PADI1: variants seen among roughly 807,000 people sequenced by gnomAD.
PADI1 encodes the protein peptidyl arginine deiminase 1.
In PADI1, 65 loss-of-function variants were observed where a neutral mutation model predicts 74.8. The observed-to-expected ratio is 0.87, with a 90% CI of 0.71 to 1.07. The LOEUF (loss-of-function observed/expected upper bound fraction) is 1.07. Ranked by LOEUF, PADI1 falls within the 50% of genes least tolerant of loss-of-function variation. The pLI is 0.00. For missense variants in PADI1, 943 were observed against 854.0 expected (o/e 1.10, Z -1.30); for synonymous variants, 371 against 336.2 (o/e 1.10, Z -1.13).
intron 8 of PADI1, 106 bp downstream of exon 8, chr1:17,229,157 G>A (rs1042507419): frequency 5.3e-6 from 4 of 751,842 alleles, no homozygotes; most frequent in African/African-American, 3.5e-5. Context: ...ATTCATTGCG[G>A]GCACCCATTC....
intron 9 of PADI1, 95 bp from the exon 10 acceptor site, chr1:17,230,477 G>A (rs539678250): frequency 3.6e-5 from 31 of 863,134 alleles, no homozygotes; most frequent in Admixed American, 1.7e-4. Context: ...GGGAAGACCC[G>A]CTGCCCTGCC....
intron 13 of PADI1, chr1:17,239,497 G>A: frequency 3.7e-6 from 2 of 538,432 alleles, no homozygotes; most frequent in South Asian, 4.8e-5. Context: ...GTCACTTCCT[G>A]AGGGGTTCCT....
intron 10 of PADI1, among the ~76,000 whole-genome samples, chr1:17,231,674 A>AT (rs1232902127): frequency 6.6e-6 from 1 of 151,234 alleles, no homozygotes; most frequent in African/African-American, 2.4e-5. Context: ...CATCTTTATC[A>AT]TTTTCATTTT....
At chr1:17,233,045 C>T (rs2072541523) in intron 11 of PADI1, 75 bp downstream of exon 11, 4 of 1,315,074 alleles carry the variant, frequency 3.0e-6, no homozygotes, top group Non-Finnish European at 4.1e-6. Context: ...GCCCCCATCA[C>T]AAACACAATT....
Position 17,228,779 on chromosome 1 carries a change from C to A in PADI1, c.807C>A (p.Val269=), listed in dbSNP as rs748890573. The A allele has an allele frequency of 6.8e-6, 11 of 1,613,934 alleles. No homozygotes were observed. The South Asian group carries it at 9.9e-5, about 14-fold the overall frequency. ...TCCTAGGGCTGGTTTCCCTCAGTGT[C>A]AGCCTGGTGGACCCGGGGGTGTGTA... is the stretch of plus-strand genomic sequence containing the variant. ...ADFLGLVSLS[V]SLVDPGTLPE... is the part of the protein sequence containing the mutation. The change falls in exon 7 of 16, where the codon GTC becomes GTA. Residue 269 remains valine, a synonymous_variant. Coordinates refer to ENST00000375471, the MANE Select transcript of PADI1 (RefSeq NM_013358.3).
chr1:17,235,761 A>G (rs1279942983), intron 11 of PADI1, among the ~76,000 whole-genome samples: 1 of 152,080 alleles, frequency 6.6e-6, no homozygotes, highest in Non-Finnish European at 1.5e-5. Context: ...CTCCTGCCCC[A>G]GTCTCTATAT....
intron 2 of PADI1, 162 bp from the exon 3 acceptor site, chr1:17,223,458 GA>G: frequency 1.6e-6 from 1 of 616,368 alleles, no homozygotes; most frequent in Non-Finnish European, 2.9e-6. Context: ...AGGTAGCTCT[GA>G]ATCCCAGCCG....
At chr1:17,220,959 T>C (rs1299409265) in intron 1 of PADI1, among the ~76,000 whole-genome samples, 1 of 152,178 alleles carries the variant, frequency 6.6e-6, no homozygotes, top group Non-Finnish European at 1.5e-5. Context: ...CAACCAGCTG[T>C]GGCTGGGAGC....
chr1:17,221,641 A>G (rs2072154111), intron 1 of PADI1, among the ~76,000 whole-genome samples: 1 of 152,024 alleles, frequency 6.6e-6, no homozygotes, highest in Non-Finnish European at 1.5e-5. Flanking sequence ...AGACTTGTGG[A>G]CATCTTGGGG....
intron 11 of PADI1, among the ~76,000 whole-genome samples, chr1:17,234,517 A>G (rs1271004138): frequency 1.3e-5 from 2 of 152,164 alleles, no homozygotes; most frequent in Non-Finnish European, 2.9e-5. Context: ...ACTACATGTC[A>G]CACCCATAGT....
intron 11 of PADI1, 77 bp from the exon 12 acceptor site, chr1:17,237,237 A>C: frequency 6.8e-7 from 1 of 1,470,812 alleles, no homozygotes; most frequent in South Asian, 1.4e-5. Flanking sequence ...CCCTGGTGGC[A>C]GATCTGATGA....
intron 10 of PADI1, among the ~76,000 whole-genome samples, chr1:17,231,786 T>TA (rs2072495912): frequency 6.6e-6 from 1 of 151,810 alleles, no homozygotes; most frequent in African/African-American, 2.4e-5. Flanking sequence ...TATATATATA[T>TA]TTTTTATTAT....
rs944889185 is a variant in PADI1 at position 17,244,281 on chromosome 1, A to G, written c.*38A>G. 4.6e-6 allele frequency: 7 copies of G among 1,507,208 alleles called. No homozygotes were observed. Among genetic ancestry groups the G allele is most frequent in the Non-Finnish European group, 6.5e-6 (7 of 1,082,652 alleles). The allele number at this position is 1,507,208 out of a possible 1,614,324, so 93.4% of individuals were successfully genotyped here. ...CCGCCATCCTCTCTGCCCTCTTGCT[A>G]GGGAACCCTGCCAGGGTGAAGGCAA... On this transcript the variant is annotated 3_prime_UTR_variant, in exon 16 of 16. Coordinates refer to ENST00000375471, the MANE Select transcript of PADI1 (RefSeq NM_013358.3).
chr1:17,218,423 G>A (rs1004712541), intron 1 of PADI1, among the ~76,000 whole-genome samples: 1 of 152,108 alleles, frequency 6.6e-6, no homozygotes, highest in Non-Finnish European at 1.5e-5. Flanking sequence ...GGGGTAAGGG[G>A]GAGTGACACA....
chr1:17,223,483 C>A lies in PADI1; in HGVS notation c.274-138C>A, dbSNP rs191863838. ...GAATCCCAGCCGGGAGCCCTTGAGTCTTGGGACTTCAGAGACTGGGGGGGT... is the reference window on the plus strand; with the variant it reads ...GAATCCCAGCCGGGAGCCCTTGAGTATTGGGACTTCAGAGACTGGGGGGGT... On this transcript the variant is annotated intron_variant, in intron 2 of 15. Coordinates refer to ENST00000375471, the MANE Select transcript of PADI1 (RefSeq NM_013358.3). The A allele has an allele frequency of 1.2e-4, 79 of 684,532 alleles. No individual in the cohort carries two copies. In the African/African-American group the frequency reaches 1.3e-3, roughly 11 times the overall value. 42.4% of individuals were successfully genotyped at this position (684,532 alleles called of 1,614,324 possible).
rs757876298 is a variant in PADI1, at chr1:17,225,827, G to T, written c.425G>T (p.Gly142Val). The change falls in exon 5 of 16, where the codon GGC (glycine) becomes GTC (valine). Residue 142 changes from glycine to valine, a missense_variant. Gly to Val is a moderately radical substitution (Grantham distance 109). Transcript: ENST00000375471. Reference sequence around the variant, plus strand: ...TTGCCACAGAAAACCTGGCGCTGGGGCCCTGAGGGCTATGGGGCTATCTTG... The same window carrying T: ...TTGCCACAGAAAACCTGGCGCTGGGTCCCTGAGGGCTATGGGGCTATCTTG... ...SQGDKKTWRW[G>V]PEGYGAILLV... The T allele has an allele frequency of 1.2e-6, 2 of 1,613,890 alleles. No individual in the cohort carries two copies. The highest frequency in any genetic ancestry group is 1.7e-6 in the Non-Finnish European group (2 of 1,179,886).
intron 1 of PADI1, among the ~76,000 whole-genome samples, chr1:17,214,833 G>A (rs957858823): frequency 2.0e-4 from 30 of 152,198 alleles, no homozygotes; most frequent in Admixed American, 1.8e-3. Flanking sequence ...TCCCAGCCCC[G>A]GGGCAAGGGT....
chr1:17,230,706 A>T (rs1254994090), intron 10 of PADI1, 27 bp downstream of exon 10: 1 of 1,402,400 alleles, frequency 7.1e-7, no homozygotes, highest in Non-Finnish European at 1.0e-6. Flanking sequence ...AGAGTGCAGA[A>T]ACCCTGGTTG....
At chr1:17,238,094 G>A (rs1421614455) in intron 12 of PADI1, among the ~76,000 whole-genome samples, 2 of 152,230 alleles carry the variant, frequency 1.3e-5, no homozygotes, top group Non-Finnish European at 2.9e-5. Context: ...TGTTGCCCAG[G>A]CTGGAGTGCA....
Sources: allele counts gnomAD v4.1 joint callset (sites outside exome capture counted in the v4.1 genomes callset), GRCh38; gene constraint gnomAD v4.1.1; transcripts MANE v1.5; gene names NCBI Gene and HGNC (gene_info 2026-07-23, HGNC 2026-07-21).